Variants in ROBO1 observed in about 807,000 individuals in gnomAD.
ROBO1 encodes roundabout guidance receptor 1, also known as roundabout homolog 1.
In ROBO1, 149 loss-of-function variants were observed where a neutral mutation model predicts 195.9. The observed-to-expected ratio is 0.76, with a 90% CI of 0.67 to 0.87. ROBO1 has a LOEUF of 0.87. ROBO1 is among the 40% of genes least tolerant of loss of function. The pLI is 0.00. For missense variants in ROBO1, 1,933 were observed against 2,068.3 expected (o/e 0.93, Z 1.27); for synonymous variants, 816 against 733.2 (o/e 1.11, Z -1.82).
At position 78,746,895 on chromosome 3, in the gene ROBO1, G is replaced by C; in HGVS notation, c.505C>G (p.Arg169Gly). The C allele has an allele frequency of 1.3e-6, 2 of 1,560,312 alleles. No homozygotes were observed. The highest frequency in any genetic ancestry group is 1.7e-6 in the Non-Finnish European group (2 of 1,146,312). The change falls in exon 5 of 31, where the codon CGG becomes GGG. Residue 169 changes from arginine (R) to glycine (G), a missense_variant. Arg to Gly is a moderately radical substitution (Grantham distance 125, BLOSUM62 -2). Around this residue, in one of 3 missense-constraint regions of ROBO1, gnomAD observed 1,737 missense variants for 1,882.5 expected, o/e 0.92. Transcript: ENST00000464233. ...GAAGGGTTTTGTCTGAAGTCATCCC[G>C]AAGTACTGTAGGAACAAGATTAAAT... ...HNASLEVAIL[R>G]DDFRQNPSDV... is the part of the protein sequence containing the mutation.
At chr3:78,679,544 C>G (rs1247268918) in intron 10 of ROBO1, among the ~76,000 whole-genome samples, 13 of 151,780 alleles carry the variant, frequency 8.6e-5, no homozygotes, top group East Asian at 3.9e-4. Flanking sequence ...CAGACAAACA[C>G]AGAGCCAAAT....
At chr3:78,900,632 C>A (rs946307301) in intron 4 of ROBO1, among the ~76,000 whole-genome samples, 1 of 152,062 alleles carries the variant, frequency 6.6e-6, no homozygotes, top group Admixed American at 6.6e-5. Context: ...TTAATCTCTG[C>A]CTACATACTT....
intron 26 of ROBO1, among the ~76,000 whole-genome samples, chr3:78,624,886 G>A (rs1345874204): frequency 1.3e-5 from 2 of 152,044 alleles, no homozygotes; most frequent in African/African-American, 4.8e-5. Flanking sequence ...CAGGCAATCA[G>A]AAAAGAGCAT....
intron 1 of ROBO1, among the ~76,000 whole-genome samples, chr3:79,727,486 T>C (rs1218143218): frequency 6.6e-6 from 1 of 152,144 alleles, no homozygotes; most frequent in East Asian, 1.9e-4. Flanking sequence ...TTTAAATGAA[T>C]AAAATTTAAA....
At chr3:79,421,698 G>T (rs140530647) in intron 2 of ROBO1, among the ~76,000 whole-genome samples, 8 of 152,204 alleles carry the variant, frequency 5.3e-5, no homozygotes, top group African/African-American at 7.2e-5. Flanking sequence ...AATACTATCT[G>T]ATTTGTTGGG....
chr3:78,659,893 TG>T (rs1707279813), intron 16 of ROBO1, 86 bp from the exon 17 acceptor site: 1 of 1,052,646 alleles, frequency 9.5e-7, no homozygotes, highest in Non-Finnish European at 1.3e-6. Context: ...CAATAATAGA[TG>T]TATTAATACT....
At chr3:79,015,158 TAAAG>T (rs955497831) in intron 3 of ROBO1, among the ~76,000 whole-genome samples, 4 of 152,136 alleles carry the variant, frequency 2.6e-5, no homozygotes, top group African/African-American at 9.6e-5. Flanking sequence ...TATCAAGAAA[TAAAG>T]ATATTTTAAA....
intron 2 of ROBO1, among the ~76,000 whole-genome samples, chr3:79,431,580 A>T (rs774435684): frequency 1.3e-5 from 2 of 152,168 alleles, no homozygotes; most frequent in African/African-American, 2.4e-5. Context: ...AGACAAAAAC[A>T]TGGTACAGAA....
At chr3:79,107,160 C>CAT (rs2079799415) in intron 3 of ROBO1, among the ~76,000 whole-genome samples, 3 of 150,418 alleles carry the variant, frequency 2.0e-5, no homozygotes, top group African/African-American at 7.3e-5. Context: ...CACACACACA[C>CAT]ACCACTTGGC....
At chr3:79,144,911 A>C (rs2080613283) in intron 2 of ROBO1, among the ~76,000 whole-genome samples, 1 of 152,064 alleles carries the variant, frequency 6.6e-6, no homozygotes, top group Non-Finnish European at 1.5e-5. Flanking sequence ...GCAGTGCAGA[A>C]TAAAGTGTGT....
intron 1 of ROBO1, among the ~76,000 whole-genome samples, chr3:79,607,280 T>G (rs1469768696): frequency 6.6e-6 from 1 of 151,342 alleles, no homozygotes; most frequent in Non-Finnish European, 1.5e-5. Flanking sequence ...ATAAATTATA[T>G]AAAAATAATC....
rs1437882607 is a variant in ROBO1 at position 78,717,903 on chromosome 3, A to G, written c.658-20T>C. The G allele has an allele frequency of 6.2e-7, 1 of 1,611,722 alleles. No individual in the cohort carries two copies. On this transcript the variant is annotated intron_variant, in intron 5 of 30. Coordinates refer to ENST00000464233, the MANE Select transcript of ROBO1 (RefSeq NM_002941.4). ...TCGTATCTTAAAAAAAAAGTTTCAC[A>G]GGAATACTATTAAAATTGCTTCAGC...
At chr3:79,390,203 A>C (rs2036896184) in intron 2 of ROBO1, among the ~76,000 whole-genome samples, 1 of 152,134 alleles carries the variant, frequency 6.6e-6, no homozygotes, top group Admixed American at 6.6e-5. Context: ...CAGTGGGAAA[A>C]TAAAATATTT....
chr3:78,766,087 C>T (rs2083222595), intron 4 of ROBO1, among the ~76,000 whole-genome samples: 2 of 152,162 alleles, frequency 1.3e-5, no homozygotes, highest in African/African-American at 4.8e-5. Context: ...CTTTTGACCA[C>T]ATTTCCAACA....
rs556091164 is a variant in ROBO1 at position 78,679,222 on chromosome 3, C to A, written c.1342+6524G>T. On this transcript the variant is annotated intron_variant, in intron 10 of 30. Coordinates refer to ENST00000464233, the MANE Select transcript of ROBO1 (RefSeq NM_002941.4). The stretch of plus-strand genomic sequence containing the variant: ...TGACAAACCCACAGCCAATATCATA[C>A]TGAATGGGCAAAAACTGGAAGCATT... Among the ~76,000 whole-genome samples the A allele has an allele frequency of 7.2e-5, 11 of 151,800 alleles. No homozygotes were observed. In the East Asian group the frequency reaches 2.1e-3, roughly 29 times the overall value.
chr3:79,062,352 A>C (rs2078934427), intron 3 of ROBO1, among the ~76,000 whole-genome samples: 1 of 152,020 alleles, frequency 6.6e-6, no homozygotes, highest in Non-Finnish European at 1.5e-5. Flanking sequence ...GAAACAACAA[A>C]TGATGGAGAT....
At chr3:79,278,369 C>G (rs1576913305) in intron 2 of ROBO1, among the ~76,000 whole-genome samples, 1 of 144,736 alleles carries the variant, frequency 6.9e-6, no homozygotes, top group African/African-American at 2.7e-5. Context: ...CAACCCTGAG[C>G]AAAAACAAAA....
intron 3 of ROBO1, among the ~76,000 whole-genome samples, chr3:79,003,358 G>A (rs916056734): frequency 2.0e-5 from 3 of 151,966 alleles, no homozygotes; most frequent in Non-Finnish European, 1.5e-5. Context: ...TCTACACCCA[G>A]AACTAACATA....
intron 2 of ROBO1, among the ~76,000 whole-genome samples, chr3:79,374,503 T>A (rs2036314890): frequency 6.6e-6 from 1 of 152,142 alleles, no homozygotes; most frequent in African/African-American, 2.4e-5. Flanking sequence ...AAAACTGATA[T>A]CTGTTTTTTT....
Sources: allele counts gnomAD v4.1 joint callset (sites outside exome capture counted in the v4.1 genomes callset), GRCh38; gene constraint gnomAD v4.1.1; regional missense constraint gnomAD v4.1.1; transcripts MANE v1.5; gene names NCBI Gene and HGNC (gene_info 2026-07-23, HGNC 2026-07-21).